Variants in SLC15A2 observed in about 807,000 individuals in gnomAD.
The protein encoded by SLC15A2 is kidney H(+)/peptide cotransporter.
Under a neutral mutation model 95.5 loss-of-function variants are expected in SLC15A2, and 77 were observed. That is an observed-to-expected ratio of 0.81 (90% CI 0.67 to 0.97). The LOEUF is 0.97. SLC15A2 is among the 50% of genes least tolerant of loss of function. The pLI, the probability that SLC15A2 is intolerant of heterozygous loss-of-function variation, is 0.00. For synonymous variants in SLC15A2, 306 were observed against 306.9 expected (o/e 1.00, Z 0.03); for missense variants, 893 against 874.4 (o/e 1.02, Z -0.27).
At position 121,923,211 on chromosome 3, in the gene SLC15A2, G is replaced by C. The variant is rs1265910331; in HGVS notation, c.958-11G>C. ...AAAGGGATTTCTCATAACAGGATCT[G>C]TTTGCCCTAGGGTTCACGATGGACT... On this transcript the variant is annotated splice_polypyrimidine_tract_variant and intron_variant, in intron 10 of 21. Coordinates refer to ENST00000489711, the MANE Select transcript of SLC15A2 (RefSeq NM_021082.4). 1.2e-6 allele frequency: 2 copies of C among 1,613,960 alleles called. No homozygotes were observed. The highest frequency in any genetic ancestry group is 1.7e-6 in the Non-Finnish European group (2 of 1,179,870).
intron 3 of SLC15A2, among the ~76,000 whole-genome samples, chr3:121,911,082 G>A (rs769349379): frequency 3.3e-5 from 5 of 152,196 alleles, no homozygotes; most frequent in South Asian, 2.1e-4. Context: ...TGAGGAAGTT[G>A]TTTGGGTTAG....
At chr3:121,922,422 G>T in intron 8 of SLC15A2, 120 bp downstream of exon 8, 1 of 717,310 alleles carries the variant, frequency 1.4e-6, no homozygotes, top group Non-Finnish European at 2.3e-6. Context: ...CTATTTTCAT[G>T]TTTTTTAACA....
intron 5 of SLC15A2, among the ~76,000 whole-genome samples, 195 bp downstream of exon 5, chr3:121,913,315 T>C (rs1343057799): frequency 1.3e-5 from 2 of 152,130 alleles, no homozygotes; most frequent in Admixed American, 6.5e-5. Flanking sequence ...ACCAGGGTGG[T>C]AGATGAACTA....
At chr3:121,899,336 A>C (rs1188933719) in intron 3 of SLC15A2, among the ~76,000 whole-genome samples, 1 of 152,134 alleles carries the variant, frequency 6.6e-6, no homozygotes, top group Non-Finnish European at 1.5e-5. Flanking sequence ...ATCAGTTTTT[A>C]TGTATGTATC....
chr3:121,918,068 A>G (rs966333488), intron 7 of SLC15A2, among the ~76,000 whole-genome samples: 1 of 152,236 alleles, frequency 6.6e-6, no homozygotes, highest in Non-Finnish European at 1.5e-5. Flanking sequence ...TTAATTTTTC[A>G]ATGATGTTTC....
At chr3:121,929,983 A>T (rs181623268) in intron 17 of SLC15A2, among the ~76,000 whole-genome samples, 4 of 152,368 alleles carry the variant, frequency 2.6e-5, no homozygotes, top group Non-Finnish European at 4.4e-5. Context: ...ACTTTTAGTG[A>T]AAAGTCTGGA....
intron 19 of SLC15A2, among the ~76,000 whole-genome samples, chr3:121,934,920 T>C (rs1175151887): frequency 6.6e-6 from 1 of 152,062 alleles, no homozygotes. Flanking sequence ...TAGCTCTTAT[T>C]ATTTTGAAAT....
In SLC15A2 at chr3:121,923,215, G is replaced by T. The variant is rs372085084; in HGVS notation, c.958-7G>T. 1.9e-6 allele frequency: 3 copies of T among 1,613,854 alleles called. No individual in the cohort carries two copies. Among genetic ancestry groups the T allele is most frequent in the Admixed American group, 3.3e-5 (2 of 59,980 alleles). On this transcript the variant is annotated splice_polypyrimidine_tract_variant and splice_region_variant and intron_variant, in intron 10 of 21. Transcript: ENST00000489711. ...GGATTTCTCATAACAGGATCTGTTT[G>T]CCCTAGGGTTCACGATGGACTTTGC...
intron 3 of SLC15A2, among the ~76,000 whole-genome samples, chr3:121,909,917 C>A (rs746678995): frequency 2.6e-5 from 4 of 152,020 alleles, no homozygotes; most frequent in Non-Finnish European, 5.9e-5. Flanking sequence ...AGATTGGACA[C>A]CCCTGATTTA....
chr3:121,931,649 G>A lies in SLC15A2; in HGVS notation c.1675G>A (p.Val559Met). Reference protein sequence around the residue: ...RTVQRGEYPAVHCRTEDKNFS... With the variant: ...RTVQRGEYPAMHCRTEDKNFS... ...TTCATCCTGTTCCAGATACCCTGCA[G>A]TGCACTGTAGAACAGAAGATAAGAA... The change falls in exon 19 of 22, where the codon GTG (valine) becomes ATG (methionine). Residue 559 changes from valine to methionine, a missense_variant. Transcript: ENST00000489711. 2 of 1,609,950 alleles carry A rather than the reference G, an allele frequency of 1.2e-6. No homozygotes were observed. Among genetic ancestry groups the A allele is most frequent in the South Asian group, 1.1e-5 (1 of 90,988 alleles).
chr3:121,921,421 G>T (rs1326901080), intron 7 of SLC15A2, among the ~76,000 whole-genome samples: 2 of 151,658 alleles, frequency 1.3e-5, no homozygotes, highest in South Asian at 2.1e-4. Flanking sequence ...GTCCAGTTCT[G>T]GTATCTTCTA....
rs1410573693 is a variant in SLC15A2 at position 121,913,086 on chromosome 3, C to T, written c.494C>T (p.Ala165Val). 1 of 1,613,766 alleles carries T rather than the reference C, an allele frequency of 6.2e-7. No homozygotes were observed. The highest frequency in any genetic ancestry group is 1.3e-5 in the African/African-American group (1 of 74,894). Residue 165 changes from alanine to valine, a missense_variant, in exon 5 of 22, where the codon GCA (alanine) becomes GTA (valine). Ala to Val is a moderately conservative substitution (Grantham distance 64, BLOSUM62 0). Coordinates refer to ENST00000489711, the MANE Select transcript of SLC15A2 (RefSeq NM_021082.4). ...LGTGGIKPCV[A>V]AFGGDQFEEK... The stretch of plus-strand genomic sequence containing the variant: ...ACAGGAGGCATCAAACCCTGTGTGG[C>T]AGCTTTTGGTGGAGACCAGTTTGAA...
intron 19 of SLC15A2, among the ~76,000 whole-genome samples, chr3:121,938,966 A>G (rs1226338644): frequency 6.6e-6 from 1 of 152,244 alleles, no homozygotes; most frequent in Non-Finnish European, 1.5e-5. Flanking sequence ...TCTCTGCTCA[A>G]AGAATAAACA....
Position 121,897,362 on chromosome 3 carries a change from A to G in SLC15A2, c.194-26A>G, listed in dbSNP as rs769397473. ...TGCATCTATCTTGTTTTGTCTCCCC[A>G]CGCCTCCTTTTTTTTCCCACTACAG... On this transcript the variant is annotated intron_variant, in intron 2 of 21. Coordinates refer to ENST00000489711, the MANE Select transcript of SLC15A2 (RefSeq NM_021082.4). 2.5e-6 allele frequency: 4 copies of G among 1,611,430 alleles called. No homozygotes were observed. In the South Asian group the frequency reaches 4.4e-5, roughly 18 times the overall value.
chr3:121,931,790 A>G lies in SLC15A2; in HGVS notation c.1761+55A>G, dbSNP rs2700423. On this transcript the variant is annotated intron_variant, in intron 19 of 21. Transcript: ENST00000489711. ...TCTCTCCATATACATATATCTCCTG[A>G]GATCCTCTAGGCAGGGGCAGAAAAC... The G allele has an allele frequency of 6.5e-3, 6,708 of 1,032,332 alleles. 238 individuals are homozygous for G. In the African/African-American group the frequency reaches 0.09, roughly 14 times the overall value. 63.9% of individuals were successfully genotyped at this position (1,032,332 alleles called of 1,614,324 possible). A position where few individuals can be genotyped will look rare whatever the true frequency, so the allele number is the denominator to read the frequency against.
chr3:121,897,951 G>A (rs1709450770), intron 3 of SLC15A2, among the ~76,000 whole-genome samples: 2 of 152,004 alleles, frequency 1.3e-5, no homozygotes, highest in African/African-American at 4.8e-5. Flanking sequence ...TGCCTGAGGT[G>A]AGGAGTTTGA....
rs890850373 is a variant in SLC15A2 at position 121,939,410 on chromosome 3, T to C, written c.1823T>C (p.Ile608Thr). The change falls in exon 20 of 22, where the codon ATT becomes ACT. Residue 608 changes from isoleucine (I) to threonine (T), a missense_variant. Transcript: ENST00000489711. ...GACATTCCAGCCAACAAAATGTCCATTGCGTGGCAGCTACCACAATATGCC... is the reference window on the plus strand; with the variant it reads ...GACATTCCAGCCAACAAAATGTCCACTGCGTGGCAGCTACCACAATATGCC... ...IEDIPANKMSIAWQLPQYALV... is the reference protein window; with the variant it reads ...IEDIPANKMSTAWQLPQYALV... 6.3e-7 allele frequency: 1 copy of C among 1,581,574 alleles called. No individual in the cohort carries two copies. The highest frequency in any genetic ancestry group is 8.6e-7 in the Non-Finnish European group (1 of 1,164,414).
intron 3 of SLC15A2, among the ~76,000 whole-genome samples, chr3:121,904,065 C>T (rs1211438492): frequency 1.3e-5 from 2 of 152,194 alleles, no homozygotes; most frequent in African/African-American, 4.8e-5. Context: ...AGGTCCTTCA[C>T]ATCCCTTGTA....
Position 121,915,216 on chromosome 3 carries a change from G to A in SLC15A2, c.529-11G>A. ...ACACATTGCACTGATGATTTATCCT[G>A]TTTGTTTCAGGCAGAGGAACGGACT... On this transcript the variant is annotated splice_polypyrimidine_tract_variant and intron_variant, in intron 5 of 21. Transcript: ENST00000489711. 1 of 1,603,986 alleles carries A rather than the reference G, an allele frequency of 6.2e-7. No homozygotes were observed. The highest frequency in any genetic ancestry group is 8.5e-7 in the Non-Finnish European group (1 of 1,170,824).
Sources: gnomAD v4.1 joint callset for allele counts (sites outside exome capture counted in the v4.1 genomes callset) on GRCh38, gnomAD v4.1.1 for gene constraint, MANE v1.5 for transcripts, NCBI Gene and HGNC (gene_info 2026-07-23, HGNC 2026-07-21) for gene names.